CEP192: variants seen among roughly 807,000 people sequenced by gnomAD.
CEP192 encodes centrosomal protein 192.
A neutral mutation model predicts 271.8 loss-of-function variants in CEP192; 151 were observed. The observed-to-expected ratio is 0.56, with a 90% CI of 0.49 to 0.64. CEP192 has a LOEUF of 0.64. Ranked by LOEUF, CEP192 falls within the 30% of genes least tolerant of loss-of-function variation. The pLI, the probability that CEP192 is intolerant of heterozygous loss-of-function variation, is 0.00. For synonymous variants in CEP192, 995 were observed against 1,076.5 expected (o/e 0.92, Z 1.48); for missense variants, 2,910 against 3,020.5 (o/e 0.96, Z 0.86).
rs560174628 is a variant in CEP192 at position 13,071,309 on chromosome 18, C to G, written c.5348+97C>G. On this transcript the variant is annotated intron_variant, in intron 28 of 44. Transcript: ENST00000506447. ...CAGGAAAATTTTGTCATAATAGACA[C>G]TCTTCAGGCTCAATTGTGCAGAACT... is the stretch of plus-strand genomic sequence containing the variant. The G allele has an allele frequency of 3.0e-6, 3 of 996,946 alleles. No individual in the cohort carries two copies. In the African/African-American group the frequency reaches 4.9e-5, roughly 16 times the overall value. 61.8% of individuals were successfully genotyped at this position (996,946 alleles called of 1,614,324 possible).
intron 38 of CEP192, among the ~76,000 whole-genome samples, chr18:13,100,997 G>A (rs959426832): frequency 1.9e-4 from 29 of 152,032 alleles, no homozygotes; most frequent in African/African-American, 7.0e-4. Context: ...CTGACTTACG[G>A]TGGCTTGACT....
intron 38 of CEP192, among the ~76,000 whole-genome samples, chr18:13,101,094 G>A (rs1416212022): frequency 1.3e-5 from 2 of 152,172 alleles, no homozygotes; most frequent in South Asian, 2.1e-4. Flanking sequence ...CCTGGGTAGC[G>A]AGCGACACAG....
intron 21 of CEP192, among the ~76,000 whole-genome samples, chr18:13,060,309 A>T (rs566783347): frequency 2.9e-4 from 44 of 152,358 alleles, no homozygotes; most frequent in Middle Eastern, 3.4e-3. Context: ...CTAAACATAG[A>T]AAAGGTACAG....
chr18:13,052,138 C>T (rs748796159), intron 17 of CEP192, among the ~76,000 whole-genome samples: 94 of 152,294 alleles, frequency 6.2e-4, no homozygotes, highest in Middle Eastern at 3.4e-3. Context: ...GTGAAAGGTG[C>T]TTAATGAACA....
chr18:13,003,268 G>A (rs35563947), intron 3 of CEP192, among the ~76,000 whole-genome samples: 38,652 of 151,554 alleles, frequency 0.26, 5,940 homozygotes, highest in Admixed American at 0.36. Context: ...GGCCAACATG[G>A]TGAAATCCCA....
Position 13,057,817 on chromosome 18 carries a change from C to T in CEP192, c.4257+84C>T, listed in dbSNP as rs144714399. ...TTTCCCCCATCTCTAGTGCTAGGTTCTCCCTTCACGCCTTTATTAATGCAC... is the reference window on the plus strand; with the variant it reads ...TTTCCCCCATCTCTAGTGCTAGGTTTTCCCTTCACGCCTTTATTAATGCAC... On this transcript the variant is annotated intron_variant, in intron 20 of 44. Coordinates refer to ENST00000506447, the MANE Select transcript of CEP192 (RefSeq NM_032142.4). The T allele has an allele frequency of 5.9e-5, 78 of 1,327,364 alleles. No individual in the cohort carries two copies. In the African/African-American group the frequency reaches 9.9e-4, roughly 17 times the overall value. The allele number at this position is 1,327,364 out of a possible 1,614,324, so 82.2% of individuals were successfully genotyped here.
At chr18:13,065,322 C>T (rs1019040694) in intron 21 of CEP192, among the ~76,000 whole-genome samples, 1 of 152,042 alleles carries the variant, frequency 6.6e-6, no homozygotes, top group Non-Finnish European at 1.5e-5. Context: ...TGTTCTCCAG[C>T]CAAACCAACT....
At chr18:13,005,215 T>C (rs1337066030) in intron 3 of CEP192, among the ~76,000 whole-genome samples, 6 of 152,192 alleles carry the variant, frequency 3.9e-5, no homozygotes, top group Admixed American at 3.3e-4. Flanking sequence ...CCTCACAGGC[T>C]ATTCAGGCTT....
At chr18:13,044,129 CAAAT>C (rs1453743560) in intron 15 of CEP192, among the ~76,000 whole-genome samples, 1 of 152,104 alleles carries the variant, frequency 6.6e-6, no homozygotes, top group Non-Finnish European at 1.5e-5. Flanking sequence ...TTTGGCTAAA[CAAAT>C]ACACAATTGT....
chr18:13,073,156 A>C lies in CEP192; in HGVS notation c.5587A>C (p.Asn1863His). The change falls in exon 30 of 45, where the codon AAT becomes CAT. Residue 1863 changes from asparagine to histidine, a missense_variant. Coordinates refer to ENST00000506447, the MANE Select transcript of CEP192 (RefSeq NM_032142.4). ...LARLEIKQLG[N>H]RSQPGIKFTI... ...TAGACTAGAAATCAAACAACTTGGA[A>C]ATCGATCACAACCAGGCATTAAGTT... The C allele has an allele frequency of 6.2e-7, 1 of 1,612,296 alleles. No individual in the cohort carries two copies. The highest frequency in any genetic ancestry group is 8.5e-7 in the Non-Finnish European group (1 of 1,179,496).
intron 37 of CEP192, among the ~76,000 whole-genome samples, chr18:13,099,798 A>G (rs934760324): frequency 6.6e-6 from 1 of 152,238 alleles, no homozygotes; most frequent in East Asian, 1.9e-4. Context: ...AAATGTTTGC[A>G]TAGCATTTAC....
chr18:13,020,747 T>C (rs1488364252), intron 9 of CEP192, among the ~76,000 whole-genome samples: 1 of 152,234 alleles, frequency 6.6e-6, no homozygotes, highest in Admixed American at 6.5e-5. Flanking sequence ...TTTACTTTTT[T>C]CCCTTTTTAA....
At chr18:13,044,664 G>A (rs879580098) in intron 15 of CEP192, among the ~76,000 whole-genome samples, 5 of 152,158 alleles carry the variant, frequency 3.3e-5, no homozygotes, top group Non-Finnish European at 5.9e-5. Flanking sequence ...CACTAGGGTT[G>A]TAATGTGTTA....
chr18:13,123,668 G>C (rs564065584), intron 44 of CEP192, among the ~76,000 whole-genome samples: 138 of 152,200 alleles, frequency 9.1e-4, no homozygotes, highest in Non-Finnish European at 1.7e-3. Context: ...CACATGGGCT[G>C]TGTGTAATGT....
intron 3 of CEP192, among the ~76,000 whole-genome samples, chr18:13,003,942 C>T (rs2033819067): frequency 1.3e-5 from 2 of 152,046 alleles, no homozygotes; most frequent in African/African-American, 2.4e-5. Flanking sequence ...CAGTGAGAAG[C>T]TGGGGACAGG....
chr18:13,015,441 T>G lies in CEP192; in HGVS notation c.633T>G (p.Asp211Glu). 6.4e-7 allele frequency: 1 copy of G among 1,551,324 alleles called. No homozygotes were observed. The highest frequency in any genetic ancestry group is 8.7e-7 in the Non-Finnish European group (1 of 1,146,780). Residue 211 changes from aspartate (D) to glutamate (E), a missense_variant, in exon 6 of 45, where the codon GAT (aspartate) becomes GAG (glutamate). Asp to Glu is a conservative substitution (Grantham distance 45, BLOSUM62 2). Coordinates refer to ENST00000506447, the MANE Select transcript of CEP192 (RefSeq NM_032142.4). Reference sequence around the variant, plus strand: ...TTATCTTACCGACAAGCTTGGAAGATTCTTCTGGTACTGCAGAGTAACCTG... The same window carrying G: ...TTATCTTACCGACAAGCTTGGAAGAGTCTTCTGGTACTGCAGAGTAACCTG... ...EKLILPTSLE[D>E]SSDDDIDDEM... is the part of the protein sequence containing the mutation.
At chr18:13,100,225 A>G in intron 37 of CEP192, 80 bp from the exon 38 acceptor site, 1 of 941,076 alleles carries the variant, frequency 1.1e-6, no homozygotes, top group Non-Finnish European at 1.7e-6. Context: ...TCTTTTCTCT[A>G]CCATGGTTTA....
chr18:13,019,933 C>T (rs2034889758), intron 9 of CEP192, among the ~76,000 whole-genome samples: 1 of 151,968 alleles, frequency 6.6e-6, no homozygotes, highest in Non-Finnish European at 1.5e-5. Flanking sequence ...CTGTCTCAGC[C>T]TCCCAAGTAG....
At chr18:13,020,037 C>T (rs2034896665) in intron 9 of CEP192, among the ~76,000 whole-genome samples, 1 of 152,124 alleles carries the variant, frequency 6.6e-6, no homozygotes, top group African/African-American at 2.4e-5. Flanking sequence ...TCTCAAACTC[C>T]TGGCCTCAAG....
Sources: allele counts gnomAD v4.1 joint callset (sites outside exome capture counted in the v4.1 genomes callset), GRCh38; gene constraint gnomAD v4.1.1; transcripts MANE v1.5; gene names NCBI Gene and HGNC (gene_info 2026-07-23, HGNC 2026-07-21).